TRAPPC9: variants seen among roughly 807,000 people sequenced by gnomAD.
TRAPPC9 encodes the protein trafficking protein particle complex subunit 9.
TRAPPC9 carries 83 observed loss-of-function variants against 124.0 expected under a neutral mutation model. The observed-to-expected ratio is 0.67, with a 90% CI of 0.56 to 0.80. TRAPPC9 has a LOEUF of 0.80. TRAPPC9 is among the 30% of genes least tolerant of loss of function. TRAPPC9 has a pLI of 0.00. For missense variants in TRAPPC9, 1,302 were observed against 1,508.3 expected (o/e 0.86, Z 2.27); for synonymous variants, 638 against 617.5 (o/e 1.03, Z -0.49).
intron 19 of TRAPPC9, among the ~76,000 whole-genome samples, chr8:139,953,849 G>T (rs377500614): frequency 5.3e-5 from 8 of 152,158 alleles, no homozygotes; most frequent in African/African-American, 1.9e-4. Context: ...ATCTACTCAT[G>T]ATCAGGGAAA....
chr8:140,306,305 C>T (rs573358514), intron 10 of TRAPPC9, among the ~76,000 whole-genome samples: 4 of 151,968 alleles, frequency 2.6e-5, no homozygotes, highest in Non-Finnish European at 4.4e-5. Flanking sequence ...ACCAGCCTGG[C>T]GAACACAGTG....
intron 21 of TRAPPC9, among the ~76,000 whole-genome samples, chr8:139,858,316 C>T (rs758725913): frequency 1.3e-4 from 20 of 152,192 alleles, no homozygotes; most frequent in Non-Finnish European, 2.2e-4. Context: ...ACCTGACTTC[C>T]GCGATCATAA....
chr8:140,253,096 G>A (rs1291006073), intron 15 of TRAPPC9, among the ~76,000 whole-genome samples, 167 bp from the exon 16 acceptor site: 3 of 149,288 alleles, frequency 2.0e-5, no homozygotes, highest in African/African-American at 7.4e-5. Flanking sequence ...AAGAAGTGTT[G>A]CAAGGCAATC....
rs1055034520 is a variant in TRAPPC9 at position 140,233,504 on chromosome 8, T to C, written c.2432-11921A>G. Reference sequence around the variant, plus strand: ...CAGGTGTGAGACACCGTGCCCAGCCTCAAGGACTAACTTTATAAAGGCTTC... The same window carrying C: ...CAGGTGTGAGACACCGTGCCCAGCCCCAAGGACTAACTTTATAAAGGCTTC... On this transcript the variant is annotated intron_variant, in intron 16 of 22. Coordinates refer to ENST00000438773, the MANE Select transcript of TRAPPC9 (RefSeq NM_001160372.4). Among the ~76,000 whole-genome samples the C allele has an allele frequency of 4.6e-5, 7 of 151,748 alleles. No homozygotes were observed. The East Asian group carries it at 1.4e-3, about 29-fold the overall frequency.
intron 19 of TRAPPC9, among the ~76,000 whole-genome samples, chr8:139,969,774 T>G (rs1365100210): frequency 1.3e-5 from 2 of 152,246 alleles, no homozygotes; most frequent in Non-Finnish European, 2.9e-5. Context: ...CATGGCTGCT[T>G]TGATTGTGTC....
intron 19 of TRAPPC9, among the ~76,000 whole-genome samples, chr8:139,978,310 CAT>C (rs1836624972): frequency 6.6e-6 from 1 of 152,216 alleles, no homozygotes; most frequent in Non-Finnish European, 1.5e-5. Context: ...TGGATTGAGA[CAT>C]AGCCATTTCT....
At chr8:140,445,504 C>T (rs900856645) in intron 2 of TRAPPC9, among the ~76,000 whole-genome samples, 3 of 152,172 alleles carry the variant, frequency 2.0e-5, no homozygotes, top group Non-Finnish European at 4.4e-5. Context: ...GTTGTGAACT[C>T]CGAGACTCGG....
At chr8:140,220,764 T>G (rs1162879438) in intron 17 of TRAPPC9, among the ~76,000 whole-genome samples, 1 of 152,232 alleles carries the variant, frequency 6.6e-6, no homozygotes, top group Non-Finnish European at 1.5e-5. Flanking sequence ...AAATTTGGCA[T>G]GAGGACTGTA....
chr8:139,966,517 G>T (rs191382342), intron 19 of TRAPPC9, among the ~76,000 whole-genome samples: 4 of 152,338 alleles, frequency 2.6e-5, no homozygotes, highest in South Asian at 4.1e-4. Flanking sequence ...TACTGTGCAC[G>T]CATTGCTTCT....
At chr8:139,756,197 A>T (rs398088950) in intron 21 of TRAPPC9, among the ~76,000 whole-genome samples, 21 of 61,586 alleles carry the variant, frequency 3.4e-4, no homozygotes, top group Admixed American at 6.9e-4. Context: ...GGAGCCAGGG[A>T]TTAGGGATGA....
chr8:140,289,592 G>A (rs557752457), intron 12 of TRAPPC9, among the ~76,000 whole-genome samples: 3 of 152,078 alleles, frequency 2.0e-5, no homozygotes, highest in Non-Finnish European at 4.4e-5. Flanking sequence ...TCCATGTGGT[G>A]CTTTTTATTT....
Position 140,252,761 on chromosome 8 carries a change from T to G in TRAPPC9, c.2431+16A>C. 1 of 1,612,932 alleles carries G rather than the reference T, an allele frequency of 6.2e-7. No individual in the cohort carries two copies. The highest frequency in any genetic ancestry group is 8.5e-7 in the Non-Finnish European group (1 of 1,179,982). ...TAGGACCCTGACGTGCTAATTAAAA[T>G]TAGGAAAGCGCTTACCATCACTGAG... On this transcript the variant is annotated intron_variant, in intron 16 of 22. Coordinates refer to ENST00000438773, the MANE Select transcript of TRAPPC9 (RefSeq NM_001160372.4). This position sits in a 1 kb window ranked among gnomAD's most constrained non-coding sequence, Gnocchi z 4.2.
At chr8:139,950,146 C>T (rs1445598424) in intron 19 of TRAPPC9, among the ~76,000 whole-genome samples, 2 of 152,136 alleles carry the variant, frequency 1.3e-5, no homozygotes, top group East Asian at 1.9e-4. Context: ...GGAAGCGGGG[C>T]GTGTGGCCAC....
chr8:139,968,356 C>T (rs527887605), intron 19 of TRAPPC9, among the ~76,000 whole-genome samples: 1 of 152,276 alleles, frequency 6.6e-6, no homozygotes. Context: ...ACTTAAAAGT[C>T]TTATGTTCTT....
intron 17 of TRAPPC9, among the ~76,000 whole-genome samples, chr8:140,057,940 T>A (rs1480532586): frequency 6.6e-6 from 1 of 152,200 alleles, no homozygotes; most frequent in Non-Finnish European, 1.5e-5. Context: ...GTGGAGGTGG[T>A]CCTGCCAGTC....
chr8:139,960,542 G>A (rs917016604), intron 19 of TRAPPC9, among the ~76,000 whole-genome samples: 6 of 152,098 alleles, frequency 3.9e-5, no homozygotes, highest in African/African-American at 7.2e-5. Flanking sequence ...ACTACTACCC[G>A]TATCTGTGCC....
chr8:139,912,370 T>C (rs555365534), intron 19 of TRAPPC9, among the ~76,000 whole-genome samples: 1 of 152,362 alleles, frequency 6.6e-6, no homozygotes, highest in East Asian at 1.9e-4. Context: ...GGTTGTATCA[T>C]AGCCTACAGA....
intron 17 of TRAPPC9, chr8:140,096,532 A>G (rs1272595102): frequency 6.6e-6 from 1 of 152,176 alleles, no homozygotes; most frequent in East Asian, 1.9e-4. Context: ...GCTTCCAAAT[A>G]CATTTTAGAG....
At chr8:139,792,015 G>T (rs529913592) in intron 21 of TRAPPC9, among the ~76,000 whole-genome samples, 54 of 152,108 alleles carry the variant, frequency 3.6e-4, no homozygotes, top group African/African-American at 1.3e-3. Flanking sequence ...CTCCCACAGG[G>T]AGCCCTCCCT....
Sources: allele counts gnomAD v4.1 joint callset (sites outside exome capture counted in the v4.1 genomes callset), GRCh38; gene constraint gnomAD v4.1.1; non-coding constraint Gnocchi (gnomAD v3.1); transcripts MANE v1.5; gene names NCBI Gene and HGNC (gene_info 2026-07-23, HGNC 2026-07-21).